CST1: variants seen among roughly 807,000 people sequenced by gnomAD.
CST1 encodes the protein cystatin-SN.
Under a neutral mutation model 10.7 loss-of-function variants are expected in CST1, and 19 were observed. The observed-to-expected ratio is 1.78, with a 90% CI of 1.24 to 2.61. The LOEUF (loss-of-function observed/expected upper bound fraction) is 2.61. Ranked by LOEUF, CST1 falls within the 30% of genes most tolerant of loss-of-function variation. The pLI is 0.00. For missense variants in CST1, 247 were observed against 178.1 expected (o/e 1.39, Z -2.20); for synonymous variants, 95 against 72.8 (o/e 1.31, Z -1.55).
intron 2 of CST1, among the ~76,000 whole-genome samples, 200 bp downstream of exon 2, chr20:23,748,816 A>C (rs1316732643): frequency 6.6e-6 from 1 of 152,018 alleles, no homozygotes; most frequent in East Asian, 1.9e-4. Flanking sequence ...ACAGGTGTGT[A>C]CACACGTGCA....
At chr20:23,748,682 G>A (rs561513247) in intron 2 of CST1, among the ~76,000 whole-genome samples, 2 of 152,114 alleles carry the variant, frequency 1.3e-5, no homozygotes, top group African/African-American at 2.4e-5. Context: ...GCACATACAT[G>A]GACAACTACG....
In CST1 at chr20:23,747,564, C is replaced by T. The variant is rs185589059; in HGVS notation, c.*252G>A. The T allele has an allele frequency of 2.2e-3, 1,211 of 544,162 alleles. 18 individuals are homozygous for T. The East Asian group carries it at 0.031, about 14-fold the overall frequency. 33.7% of individuals were successfully genotyped at this position (544,162 alleles called of 1,614,324 possible). ...AGACAGCCAAGAACTCAGAGGGAGG[C>T]GATGCTACTGTTTAATTGCAGGAGG... On this transcript the variant is annotated 3_prime_UTR_variant, in exon 3 of 3. Coordinates refer to ENST00000304749, the MANE Select transcript of CST1 (RefSeq NM_001898.3).
intron 1 of CST1, 60 bp downstream of exon 1, chr20:23,750,579 G>T: frequency 1.4e-6 from 2 of 1,444,952 alleles, no homozygotes; most frequent in Non-Finnish European, 1.9e-6. Flanking sequence ...GAATGCTCTT[G>T]GGGGTTGGGG....
At position 23,748,034 on chromosome 20, in the gene CST1, C is replaced by T. The variant is rs906482519; in HGVS notation, c.343-135G>A. The T allele has an allele frequency of 4.8e-6, 4 of 837,148 alleles. No homozygotes were observed. The African/African-American group carries it at 5.1e-5, about 11-fold the overall frequency. The allele number at this position is 837,148 out of a possible 1,614,324, so 51.9% of individuals were successfully genotyped here. ...GGCCCTCACCCACCCCTACTGAGTCCCAGAGTGCTGAACTAGAATGAATAG... is the reference window on the plus strand; with the variant it reads ...GGCCCTCACCCACCCCTACTGAGTCTCAGAGTGCTGAACTAGAATGAATAG... On this transcript the variant is annotated intron_variant, in intron 2 of 2. Coordinates refer to ENST00000304749, the MANE Select transcript of CST1 (RefSeq NM_001898.3).
At chr20:23,750,609 C>A in intron 1 of CST1, 30 bp downstream of exon 1, 1 of 1,608,640 alleles carries the variant, frequency 6.2e-7, no homozygotes, top group East Asian at 2.2e-5. Flanking sequence ...GGCTGGGACC[C>A]AGGACCCCTG....
chr20:23,750,469 C>T (rs903480228), intron 1 of CST1, among the ~76,000 whole-genome samples, 170 bp downstream of exon 1: 8 of 152,156 alleles, frequency 5.3e-5, no homozygotes, highest in East Asian at 1.9e-4. Context: ...TGTGCACGGC[C>T]GGGGAGCGTG....
rs201877331 is a variant in CST1, at chr20:23,750,671, G to A, written c.196C>T (p.Arg66Cys). The A allele has an allele frequency of 1.8e-5, 29 of 1,613,982 alleles. 1 individual carries two copies. Among genetic ancestry groups the A allele is most frequent in the East Asian group, 6.7e-5 (3 of 44,868 alleles). ...CTGGCTCTTAGTACCCGCAGCGGAC[G>A]TCTGTAGTAGTCATCTTTGGTGGCC... is the stretch of plus-strand genomic sequence containing the variant. Reference protein sequence around the residue: ...NKATKDDYYRRPLRVLRARQQ... With the variant: ...NKATKDDYYRCPLRVLRARQQ... Residue 66 changes from arginine (R) to cysteine (C), a missense_variant, in exon 1 of 3, where the codon CGT becomes TGT. By Grantham distance (180) the Arg-to-Cys change is radical (BLOSUM62 -3). Transcript: ENST00000304749.
At chr20:23,747,979 C>A in intron 2 of CST1, 80 bp from the exon 3 acceptor site, 1 of 1,404,820 alleles carries the variant, frequency 7.1e-7, no homozygotes, top group Non-Finnish European at 1.0e-6. Flanking sequence ...ATGTCAGAGC[C>A]TGGGTGAGGA....
chr20:23,747,588 G>T lies in CST1; in HGVS notation c.*228C>A. 1.7e-6 allele frequency: 1 copy of T among 574,266 alleles called. No homozygotes were observed. The allele number at this position is 574,266 out of a possible 1,614,324, so 35.6% of individuals were successfully genotyped here. ...GCGATGCTACTGTTTAATTGCAGGA[G>T]GTGGGGGGGTGTGTACCATGTACCA... On this transcript the variant is annotated 3_prime_UTR_variant, in exon 3 of 3. Transcript: ENST00000304749.
rs900275328 is a variant in CST1 at position 23,747,591 on chromosome 20, G to C, written c.*225C>G. 2.0e-5 allele frequency: 11 copies of C among 556,692 alleles called. No homozygotes were observed. Among genetic ancestry groups the C allele is most frequent in the Non-Finnish European group, 3.5e-5 (11 of 311,020 alleles). 34.5% of individuals were successfully genotyped at this position (556,692 alleles called of 1,614,324 possible). On this transcript the variant is annotated 3_prime_UTR_variant, in exon 3 of 3. Transcript: ENST00000304749. Reference sequence around the variant, plus strand: ...ATGCTACTGTTTAATTGCAGGAGGTGGGGGGGTGTGTACCATGTACCAGGG... The same window carrying C: ...ATGCTACTGTTTAATTGCAGGAGGTCGGGGGGTGTGTACCATGTACCAGGG...
Position 23,747,764 on chromosome 20 carries a change from T to C in CST1, c.*52A>G. The C allele has an allele frequency of 6.4e-7, 1 of 1,570,248 alleles. No homozygotes were observed. Among genetic ancestry groups the C allele is most frequent in the Non-Finnish European group, 8.7e-7 (1 of 1,143,750 alleles). On this transcript the variant is annotated 3_prime_UTR_variant, in exon 3 of 3. Coordinates refer to ENST00000304749, the MANE Select transcript of CST1 (RefSeq NM_001898.3). ...GCCACCAGTCCAGGGGTGGGAGCAC[T>C]ACAGGGGGTGGGAGTGGGTGGTGGC...
intron 1 of CST1, 37 bp downstream of exon 1, chr20:23,750,602 T>C: frequency 1.3e-6 from 2 of 1,593,790 alleles, no homozygotes; most frequent in Non-Finnish European, 1.7e-6. Flanking sequence ...CAAACCAGGC[T>C]GGGACCCAGG....
At chr20:23,749,241 TCAACACAAG>T (rs1340646146) in intron 1 of CST1, 112 bp from the exon 2 acceptor site, 1 of 858,882 alleles carries the variant, frequency 1.2e-6, no homozygotes, top group African/African-American at 1.7e-5. Context: ...TGCCCACATG[TCAACACAAG>T]GCACACAAGC....
Position 23,747,743 on chromosome 20 carries a change from C to G in CST1, c.*73G>C. 2.0e-6 allele frequency: 3 copies of G among 1,477,786 alleles called. No homozygotes were observed. Among genetic ancestry groups the G allele is most frequent in the Non-Finnish European group, 2.8e-6 (3 of 1,068,596 alleles). The allele number at this position is 1,477,786 out of a possible 1,614,324, so 91.5% of individuals were successfully genotyped here. On this transcript the variant is annotated 3_prime_UTR_variant, in exon 3 of 3. Transcript: ENST00000304749. The stretch of plus-strand genomic sequence containing the variant: ...GAGGCCTCCCGCAGGGTGGGGGCCA[C>G]CAGTCCAGGGGTGGGAGCACTACAG...
intron 1 of CST1, among the ~76,000 whole-genome samples, chr20:23,750,423 A>G (rs984153582): frequency 2.0e-5 from 3 of 152,210 alleles, no homozygotes; most frequent in African/African-American, 7.2e-5. Flanking sequence ...CATGGTACAG[A>G]CACAGTGGCT....
Position 23,747,589 on chromosome 20 carries a change from G to A in CST1, c.*227C>T. ...CGATGCTACTGTTTAATTGCAGGAGGTGGGGGGGTGTGTACCATGTACCAG... is the reference window on the plus strand; with the variant it reads ...CGATGCTACTGTTTAATTGCAGGAGATGGGGGGGTGTGTACCATGTACCAG... On this transcript the variant is annotated 3_prime_UTR_variant, in exon 3 of 3. Coordinates refer to ENST00000304749, the MANE Select transcript of CST1 (RefSeq NM_001898.3). 1 of 574,974 alleles carries A rather than the reference G, an allele frequency of 1.7e-6. No individual in the cohort carries two copies. The allele number at this position is 574,974 out of a possible 1,614,324, so 35.6% of individuals were successfully genotyped here. A position where few individuals can be genotyped will look rare whatever the true frequency, so the allele number is the denominator to read the frequency against.
intron 1 of CST1, among the ~76,000 whole-genome samples, chr20:23,749,531 C>A (rs549107471): frequency 3.9e-5 from 6 of 152,236 alleles, no homozygotes; most frequent in Middle Eastern, 3.4e-3. Context: ...TCAATGGGGC[C>A]GCCCGGATGC....
chr20:23,750,576 C>A, intron 1 of CST1, 63 bp downstream of exon 1: 1 of 1,442,932 alleles, frequency 6.9e-7, no homozygotes, highest in Non-Finnish European at 9.7e-7. Context: ...TGGGAATGCT[C>A]TTGGGGGTTG....
At position 23,749,108 on chromosome 20, in the gene CST1, A is replaced by G. The variant is rs555199581; in HGVS notation, c.250T>C (p.Phe84Leu). The change falls in exon 2 of 3, where the codon TTC becomes CTC. Residue 84 changes from phenylalanine (F) to leucine (L), a missense_variant. Coordinates refer to ENST00000304749, the MANE Select transcript of CST1 (RefSeq NM_001898.3). ...RQQTVGGVNY[F>L]FDVEVGRTIC... ...GTGCGGCCCACCTCTACGTCGAAGA[A>G]GTAATTCACCCCCCCAACGGTCTGC... 1.2e-6 allele frequency: 2 copies of G among 1,614,160 alleles called. No individual in the cohort carries two copies. Among genetic ancestry groups the G allele is most frequent in the African/African-American group, 2.7e-5 (2 of 75,040 alleles).
Sources: allele counts gnomAD v4.1 joint callset (sites outside exome capture counted in the v4.1 genomes callset), GRCh38; gene constraint gnomAD v4.1.1; transcripts MANE v1.5; gene names NCBI Gene and HGNC (gene_info 2026-07-23, HGNC 2026-07-21).